COXFA4L2: variants seen among roughly 807,000 people sequenced by gnomAD.
COXFA4L2 encodes cytochrome c oxidase hypoxia associated subunit FA4L2.
At chr12:57,236,970 T>G in the COXFA4L2 span, 2 of 1,606,856 alleles carry the variant, frequency 1.2e-6, no homozygotes, top group South Asian at 2.2e-5. Context: ...TTGGGGGATT[T>G]GGAGGGTGGG....
chr12:57,235,237 C>G, the COXFA4L2 span: 12 of 410,324 alleles, frequency 2.9e-5, no homozygotes, highest in South Asian at 1.5e-4. Flanking sequence ...AGGCCACGCT[C>G]AACACGTAGC....
the COXFA4L2 span, chr12:57,235,252 G>A: frequency 2.0e-6 from 1 of 507,426 alleles, no homozygotes; most frequent in South Asian, 2.3e-5. Context: ...CGTAGCCTGT[G>A]CCACACCCTT....
At chr12:57,236,235 T>G in the COXFA4L2 span, 4 of 342,262 alleles carry the variant, frequency 1.2e-5, no homozygotes, top group Non-Finnish European at 2.1e-5. Flanking sequence ...CGCCCCACAC[T>G]GGTCCCCAAT....
the COXFA4L2 span, chr12:57,236,429 G>C: frequency 1.7e-6 from 1 of 590,568 alleles, no homozygotes; most frequent in Admixed American, 3.6e-5. Flanking sequence ...GGCTGGAGGG[G>C]ATACGGGGGT....
chr12:57,236,421 C>T, the COXFA4L2 span: 1 of 563,608 alleles, frequency 1.8e-6, no homozygotes, highest in African/African-American at 2.0e-5. Context: ...GCCAGGTGGG[C>T]TGGAGGGGAT....
the COXFA4L2 span, chr12:57,239,968 G>C: frequency 6.6e-6 from 1 of 152,236 alleles, no homozygotes; most frequent in Non-Finnish European, 1.5e-5. The surrounding 1 kb of genome is among the most constrained non-coding windows in gnomAD (Gnocchi z 5.5). Flanking sequence ...GAGACGCCTC[G>C]GGGCACTGCC....
the COXFA4L2 span, chr12:57,236,948 C>T: frequency 6.3e-7 from 1 of 1,581,486 alleles, no homozygotes; most frequent in Non-Finnish European, 8.7e-7. Context: ...GACCTGGGCA[C>T]AAGGCAAGGC....
At chr12:57,239,330 C>T in the COXFA4L2 span, among the ~76,000 whole-genome samples, 6 of 152,242 alleles carry the variant, frequency 3.9e-5, no homozygotes, top group Admixed American at 2.0e-4. This position sits in a 1 kb window ranked among gnomAD's most constrained non-coding sequence, Gnocchi z 5.5. Context: ...AAGTTGGTGC[C>T]TGGAGTGTCC....
the COXFA4L2 span, chr12:57,235,253 C>G: frequency 2.0e-6 from 1 of 506,640 alleles, no homozygotes; most frequent in Non-Finnish European, 3.6e-6. Flanking sequence ...GTAGCCTGTG[C>G]CACACCCTTC....
the COXFA4L2 span, among the ~76,000 whole-genome samples, chr12:57,239,326 G>A: frequency 6.6e-6 from 1 of 152,212 alleles, no homozygotes; most frequent in African/African-American, 2.4e-5. The surrounding 1 kb of genome is among the most constrained non-coding windows in gnomAD (Gnocchi z 5.5). Flanking sequence ...CGCTAAGTTG[G>A]TGCCTGGAGT....
chr12:57,237,293 A>ACCG, the COXFA4L2 span: 5 of 1,433,690 alleles, frequency 3.5e-6, no homozygotes, highest in Admixed American at 2.8e-5. Context: ...TCTGGGAGCC[A>ACCG]AGTGGTTTCT....
chr12:57,236,427 G>A, the COXFA4L2 span: 43 of 568,862 alleles, frequency 7.6e-5, no homozygotes, highest in Middle Eastern at 4.7e-4. Context: ...TGGGCTGGAG[G>A]GGATACGGGG....
chr12:57,236,518 C>T, the COXFA4L2 span: 18 of 1,283,566 alleles, frequency 1.4e-5, no homozygotes, highest in Admixed American at 1.6e-4. Flanking sequence ...GCACGGGATC[C>T]CCACTAGGGC....
the COXFA4L2 span, chr12:57,237,060 C>A: frequency 6.2e-7 from 1 of 1,614,178 alleles, no homozygotes; most frequent in Non-Finnish European, 8.5e-7. Context: ...CCGGTAGAAG[C>A]GGGCCCCAAG....
the COXFA4L2 span, chr12:57,236,292 G>A: frequency 2.3e-6 from 1 of 430,304 alleles, no homozygotes; most frequent in Non-Finnish European, 4.1e-6. Context: ...GCTCTGGTGA[G>A]GACTTAGAGG....
At chr12:57,236,805 C>T in the COXFA4L2 span, 1 of 941,984 alleles carries the variant, frequency 1.1e-6, no homozygotes. Context: ...CCTGGAATCT[C>T]CTACAACCAT....
At chr12:57,237,032 C>G in the COXFA4L2 span, 1 of 1,614,156 alleles carries the variant, frequency 6.2e-7, no homozygotes. Flanking sequence ...GACTCACCCC[C>G]GGATGTCTTT....
At chr12:57,236,210 C>T in the COXFA4L2 span, 62 of 327,226 alleles carry the variant, frequency 1.9e-4, 2 homozygotes, top group East Asian at 3.0e-3. Flanking sequence ...TCTCCGCGGC[C>T]GGGTGTGAAA....
At chr12:57,238,670 AC>A in the COXFA4L2 span, among the ~76,000 whole-genome samples, 14 of 152,124 alleles carry the variant, frequency 9.2e-5, no homozygotes, top group Admixed American at 6.5e-4. The surrounding 1 kb of genome is among the most constrained non-coding windows in gnomAD (Gnocchi z 6.8). Context: ...GCCTTTGCTC[AC>A]AGGCCCTCGC....
Sources: gnomAD v4.1 joint callset for allele counts (sites outside exome capture counted in the v4.1 genomes callset) on GRCh38, gnomAD v4.1.1 for gene constraint, Gnocchi (gnomAD v3.1) non-coding constraint, MANE v1.5 for transcripts, NCBI Gene and HGNC (gene_info 2026-07-23, HGNC 2026-07-21) for gene names.